UNC13C: variants seen among roughly 807,000 people sequenced by gnomAD.
The protein encoded by UNC13C is protein unc-13 homolog C.
In UNC13C, 174 loss-of-function variants were observed where a neutral mutation model predicts 245.4. The ratio of observed to expected loss-of-function variants is 0.71; its 90% CI spans 0.63 to 0.80. UNC13C has a LOEUF of 0.80. UNC13C is among the 30% of genes least tolerant of loss of function. The pLI is 0.00. For synonymous variants in UNC13C, 992 were observed against 895.1 expected, an observed-to-expected ratio of 1.11 and a Z score of -1.93; for missense variants, 2,829 against 2,602.9, an observed-to-expected ratio of 1.09 and a Z score of -1.89.
chr15:54,035,333 C>T (rs1896531058), intron 2 of UNC13C, among the ~76,000 whole-genome samples: 1 of 151,868 alleles, frequency 6.6e-6, no homozygotes, highest in Admixed American at 6.6e-5. Flanking sequence ...TATCTATTTC[C>T]CTTTATATCT....
chr15:54,187,707 C>T (rs906758242), intron 4 of UNC13C, among the ~76,000 whole-genome samples: 2 of 152,262 alleles, frequency 1.3e-5, no homozygotes, highest in South Asian at 2.1e-4. Context: ...CTTTATAGCA[C>T]TCAAGCAGCT....
At chr15:54,097,210 A>G (rs989985086) in intron 2 of UNC13C, among the ~76,000 whole-genome samples, 1 of 152,218 alleles carries the variant, frequency 6.6e-6, no homozygotes, top group Middle Eastern at 3.2e-3. Context: ...TGTCTAAGAC[A>G]GTCACTGCTC....
At chr15:54,528,803 A>C (rs1895605338) in intron 25 of UNC13C, among the ~76,000 whole-genome samples, 1 of 152,140 alleles carries the variant, frequency 6.6e-6, no homozygotes, top group African/African-American at 2.4e-5. Context: ...GTGGTAAATC[A>C]ACTAGTTCAA....
intron 10 of UNC13C, among the ~76,000 whole-genome samples, chr15:54,272,598 G>A (rs1248176341): frequency 6.6e-6 from 1 of 151,976 alleles, no homozygotes; most frequent in East Asian, 1.9e-4. Flanking sequence ...ACACTTTATG[G>A]GATTAGAATT....
chr15:54,194,995 T>C (rs1044865946), intron 4 of UNC13C, among the ~76,000 whole-genome samples: 4 of 152,154 alleles, frequency 2.6e-5, no homozygotes, highest in African/African-American at 9.7e-5. Flanking sequence ...AAAAATTACA[T>C]TTACCTCCTG....
chr15:54,285,820 A>G (rs1161819946), intron 10 of UNC13C, among the ~76,000 whole-genome samples: 3 of 148,338 alleles, frequency 2.0e-5, no homozygotes, highest in Admixed American at 2.0e-4. Context: ...TTTAATGAAT[A>G]TATATTTTTA....
chr15:53,847,091 A>C, the UNC13C span, among the ~76,000 whole-genome samples: 2 of 152,288 alleles, frequency 1.3e-5, no homozygotes, highest in African/African-American at 4.8e-5. Context: ...AACAAAAAAC[A>C]ACAAATGCTC....
chr15:53,871,256 A>G, the UNC13C span, among the ~76,000 whole-genome samples: 1 of 152,058 alleles, frequency 6.6e-6, no homozygotes, highest in Non-Finnish European at 1.5e-5. Context: ...AGTGATGTTC[A>G]TTGACCTTCC....
chr15:54,496,366 G>C (rs1325738009), intron 20 of UNC13C, among the ~76,000 whole-genome samples: 1 of 151,952 alleles, frequency 6.6e-6, no homozygotes, highest in Non-Finnish European at 1.5e-5. Context: ...GACATATGGG[G>C]TTAAAAGAAA....
intron 26 of UNC13C, among the ~76,000 whole-genome samples, chr15:54,542,136 T>C (rs1896273782): frequency 6.6e-6 from 1 of 152,114 alleles, no homozygotes; most frequent in African/African-American, 2.4e-5. Flanking sequence ...GTTTAATAAG[T>C]CTTAAATATG....
At chr15:53,950,398 G>A in the UNC13C span, among the ~76,000 whole-genome samples, 2 of 149,850 alleles carry the variant, frequency 1.3e-5, no homozygotes, top group East Asian at 4.0e-4. Context: ...TCTTTGCTTA[G>A]AAAAGTATCA....
At chr15:54,450,835 G>T (rs1376181854) in intron 19 of UNC13C, among the ~76,000 whole-genome samples, 6 of 152,184 alleles carry the variant, frequency 3.9e-5, no homozygotes, top group Admixed American at 3.3e-4. Context: ...AGTTGGAAAT[G>T]CAGAAATCAC....
At chr15:53,963,374 A>T in the UNC13C span, among the ~76,000 whole-genome samples, 1 of 152,226 alleles carries the variant, frequency 6.6e-6, no homozygotes, top group Non-Finnish European at 1.5e-5. Flanking sequence ...TAAGCTTTGA[A>T]ATAAATCAAG....
At chr15:54,491,716 C>T (rs898591120) in intron 19 of UNC13C, among the ~76,000 whole-genome samples, 1 of 152,048 alleles carries the variant, frequency 6.6e-6, no homozygotes, top group Non-Finnish European at 1.5e-5. Context: ...AATTTAGGCA[C>T]ACCTGGCCGG....
In UNC13C at chr15:54,368,154, T is replaced by C. The variant is rs142962744; in HGVS notation, c.4714-24894T>C. Among the ~76,000 whole-genome samples, 521 of 152,206 alleles carry C rather than the reference T, an allele frequency of 3.4e-3. 3 individuals carry two copies. Among genetic ancestry groups the C allele is most frequent in the East Asian group, 8.1e-3 (42 of 5,168 alleles). ...TTCAGAGATTACTAGCCAGAGTTTC[T>C]TACTATTGACACTTTACCCTATGTT... On this transcript the variant is annotated intron_variant, in intron 17 of 32. Transcript: ENST00000260323.
At chr15:54,045,209 T>G (rs936497074) in intron 2 of UNC13C, among the ~76,000 whole-genome samples, 1 of 152,176 alleles carries the variant, frequency 6.6e-6, no homozygotes, top group Non-Finnish European at 1.5e-5. Flanking sequence ...GTTTTCAGAT[T>G]TGTTTTGAGT....
At chr15:53,869,075 C>T in the UNC13C span, among the ~76,000 whole-genome samples, 1 of 152,156 alleles carries the variant, frequency 6.6e-6, no homozygotes, top group Non-Finnish European at 1.5e-5. Context: ...AGCCACTGCA[C>T]TCCAGTATGG....
At chr15:54,557,205 T>G (rs937731350) in intron 29 of UNC13C, among the ~76,000 whole-genome samples, 16 of 152,008 alleles carry the variant, frequency 1.1e-4, no homozygotes, top group Admixed American at 2.0e-4. Context: ...TCTCCAGGAC[T>G]GGAGTCTGAC....
At chr15:54,066,504 C>T (rs766950173) in intron 2 of UNC13C, among the ~76,000 whole-genome samples, 15 of 152,030 alleles carry the variant, frequency 9.9e-5, no homozygotes, top group Non-Finnish European at 1.6e-4. Context: ...TATGTGAAAA[C>T]ACAGAGAGGT....
Sources: gnomAD v4.1 joint callset for allele counts (sites outside exome capture counted in the v4.1 genomes callset) on GRCh38, gnomAD v4.1.1 for gene constraint, MANE v1.5 for transcripts, NCBI Gene and HGNC (gene_info 2026-07-23, HGNC 2026-07-21) for gene names.